Variants in ITIH2 observed in about 807,000 individuals in gnomAD.
ITIH2 encodes the protein inter-alpha-trypsin inhibitor heavy chain H2.
A neutral mutation model predicts 104.4 loss-of-function variants in ITIH2; 103 were observed. The observed-to-expected ratio is 0.99, with a 90% CI of 0.84 to 1.16. ITIH2 has a LOEUF of 1.16. Ranked by LOEUF, ITIH2 falls within the 50% of genes most tolerant of loss-of-function variation. The pLI, the probability that ITIH2 is intolerant of heterozygous loss-of-function variation, is 0.00. For missense variants in ITIH2, 1,108 were observed against 1,162.4 expected (o/e 0.95, Z 0.68); for synonymous variants, 436 against 435.4 (o/e 1.00, Z -0.02).
At chr10:7,716,783 T>TA (rs1834854092) in intron 5 of ITIH2, among the ~76,000 whole-genome samples, 1 of 142,076 alleles carries the variant, frequency 7.0e-6, no homozygotes, top group Non-Finnish European at 1.5e-5. Flanking sequence ...TGAGCAATAA[T>TA]AAAGTTTTTC....
chr10:7,745,811 G>A (rs1051132510), intron 19 of ITIH2, among the ~76,000 whole-genome samples: 14 of 151,286 alleles, frequency 9.3e-5, no homozygotes, highest in East Asian at 2.1e-4. Flanking sequence ...CTGGAGCGCA[G>A]TGGCGCAATC....
intron 16 of ITIH2, among the ~76,000 whole-genome samples, chr10:7,739,714 CA>C (rs1407676768): frequency 6.6e-6 from 1 of 151,814 alleles, no homozygotes; most frequent in Admixed American, 6.6e-5. Context: ...AAAACAAAAA[CA>C]AAAACAAAAA....
chr10:7,722,505 C>T (rs984893352), intron 8 of ITIH2, among the ~76,000 whole-genome samples: 1 of 152,240 alleles, frequency 6.6e-6, no homozygotes, highest in Non-Finnish European at 1.5e-5. Flanking sequence ...CCATACACGT[C>T]CTTCGTGATC....
At position 7,713,175 on chromosome 10, in the gene ITIH2, T is replaced by C. The variant is rs1477816546; in HGVS notation, c.363-6T>C. ...GACCAACTGGTTACCTTCTGTCATT[T>C]TCTAGGACTGTGGACGGCAAGACAT... On this transcript the variant is annotated splice_region_variant and splice_polypyrimidine_tract_variant and intron_variant, in intron 4 of 20. Transcript: ENST00000358415. 1 of 1,611,096 alleles carries C rather than the reference T, an allele frequency of 6.2e-7. No homozygotes were observed. Among genetic ancestry groups the C allele is most frequent in the East Asian group, 2.2e-5 (1 of 44,880 alleles).
chr10:7,705,079 A>T (rs753519799), intron 1 of ITIH2, 29 bp from the exon 2 acceptor site: 101 of 1,493,950 alleles, frequency 6.8e-5, no homozygotes, highest in Non-Finnish European at 9.0e-5. Flanking sequence ...ATTAAAAAAA[A>T]AAAAGTTAAA....
chr10:7,720,970 T>C lies in ITIH2; in HGVS notation c.738+7T>C. 1 of 1,565,616 alleles carries C rather than the reference T, an allele frequency of 6.4e-7. No homozygotes were observed. Among genetic ancestry groups the C allele is most frequent in the Non-Finnish European group, 8.8e-7 (1 of 1,135,906 alleles). On this transcript the variant is annotated splice_region_variant and intron_variant, in intron 7 of 20. Coordinates refer to ENST00000358415, the MANE Select transcript of ITIH2 (RefSeq NM_002216.3). The stretch of plus-strand genomic sequence containing the variant: ...TTCTAAAGGACAACAGAAGGTACCC[T>C]GAGCCCTGTGTGTTGCCAGGCATTC...
At chr10:7,721,059 G>C in intron 7 of ITIH2, 96 bp downstream of exon 7, 3 of 804,184 alleles carry the variant, frequency 3.7e-6, no homozygotes, top group Non-Finnish European at 6.4e-6. Context: ...AAAGCAGGCT[G>C]GTGTTGAGGA....
intron 9 of ITIH2, among the ~76,000 whole-genome samples, chr10:7,724,215 G>A (rs979307689): frequency 2.6e-5 from 4 of 151,970 alleles, no homozygotes; most frequent in African/African-American, 9.7e-5. Flanking sequence ...CCAGTCATAG[G>A]GCAACTATTT....
In ITIH2 at chr10:7,720,877, C is replaced by A. The variant is rs1031942025; in HGVS notation, c.652C>A (p.Pro218Thr). Residue 218 changes from proline (P) to threonine (T), a missense_variant, in exon 7 of 21, where the codon CCA becomes ACA. Pro to Thr is a conservative substitution (Grantham distance 38, BLOSUM62 -1). Transcript: ENST00000358415. The stretch of plus-strand genomic sequence containing the variant: ...CTAGGTAGATGTGTGGGTTATCGAA[C>A]CACAGGGACTGAGATTTCTTCATGT... ...HLEVDVWVIE[P>T]QGLRFLHVPD... is the part of the protein sequence containing the mutation. 5 of 1,611,944 alleles carry A rather than the reference C, an allele frequency of 3.1e-6. No homozygotes were observed. The highest frequency in any genetic ancestry group is 4.2e-6 in the Non-Finnish European group (5 of 1,178,024).
intron 17 of ITIH2, among the ~76,000 whole-genome samples, chr10:7,743,783 AAAC>A (rs981983524): frequency 3.3e-5 from 5 of 152,158 alleles, no homozygotes; most frequent in Non-Finnish European, 5.9e-5. Flanking sequence ...TCCGTCTCAA[AAAC>A]AACAACAAAA....
Position 7,732,340 on chromosome 10 carries a change from T to C in ITIH2, c.1650T>C (p.Ala550=), listed in dbSNP as rs1835011299. ...QIESVITATS[A]NTQLVLETLA... ...CAACTGAACCTTCCATCATCTAGGCTAACACGCAGTTAGTCTTGGAGACCC... is the reference window on the plus strand; with the variant it reads ...CAACTGAACCTTCCATCATCTAGGCCAACACGCAGTTAGTCTTGGAGACCC... Residue 550 remains alanine (A), a splice_region_variant and synonymous_variant, in exon 14 of 21, where the codon GCT becomes GCC. Coordinates refer to ENST00000358415, the MANE Select transcript of ITIH2 (RefSeq NM_002216.3). 1.2e-6 allele frequency: 2 copies of C among 1,613,450 alleles called. No individual in the cohort carries two copies. Among genetic ancestry groups the C allele is most frequent in the Non-Finnish European group, 8.5e-7 (1 of 1,179,426 alleles).
chr10:7,713,329 G>C, intron 5 of ITIH2, 44 bp downstream of exon 5: 1 of 1,465,056 alleles, frequency 6.8e-7, no homozygotes, highest in Non-Finnish European at 9.5e-7. Context: ...TCTCAATGAC[G>C]GTTTCCTCTC....
At chr10:7,718,539 C>A (rs955728616) in intron 6 of ITIH2, among the ~76,000 whole-genome samples, 2 of 149,740 alleles carry the variant, frequency 1.3e-5, no homozygotes, top group African/African-American at 2.5e-5. Flanking sequence ...TTTTTTTTAA[C>A]TTTTAAGTTC....
intron 19 of ITIH2, among the ~76,000 whole-genome samples, chr10:7,745,751 T>C (rs1166737903): frequency 6.7e-6 from 1 of 148,482 alleles, no homozygotes; most frequent in East Asian, 2.7e-4. Flanking sequence ...ATCTCTTAAA[T>C]TAATTAATTC....
intron 4 of ITIH2, among the ~76,000 whole-genome samples, chr10:7,710,179 T>C (rs1834784450): frequency 6.6e-6 from 1 of 152,172 alleles, no homozygotes; most frequent in Non-Finnish European, 1.5e-5. Flanking sequence ...ACAACTAAGG[T>C]GGAAAGCATG....
chr10:7,712,223 G>T (rs1200602699), intron 4 of ITIH2, among the ~76,000 whole-genome samples: 3 of 152,176 alleles, frequency 2.0e-5, no homozygotes, highest in South Asian at 2.1e-4. Context: ...CCGAGATCAA[G>T]ATGCCCAAGG....
At position 7,737,789 on chromosome 10, in the gene ITIH2, CTATATAATATTCTATATTATATTCTA is replaced by C. The variant is rs1482011811; in HGVS notation, c.1958-827_1958-802del. 1.9e-4 allele frequency among the ~76,000 whole-genome samples: 3 copies of C among 16,038 alleles called. 1 individual carries two copies. The highest frequency in any genetic ancestry group is 2.4e-4 in the African/African-American group (1 of 4,222). 10.5% of individuals were successfully genotyped at this position (16,038 alleles called of 152,430 possible). ...TCTATATAATATTCTATATTATATT[CTATATAATATTCTATATTATATTCTA>C]TATAATATTCTATATTATATTCTAT... On this transcript the variant is annotated intron_variant, in intron 15 of 20. Coordinates refer to ENST00000358415, the MANE Select transcript of ITIH2 (RefSeq NM_002216.3).
chr10:7,744,298 T>G lies in ITIH2; in HGVS notation c.2408+18T>G, dbSNP rs1394496254. 1 of 1,606,238 alleles carries G rather than the reference T, an allele frequency of 6.2e-7. No individual in the cohort carries two copies. Among genetic ancestry groups the G allele is most frequent in the Admixed American group, 1.7e-5 (1 of 59,958 alleles). ...AATCAGAGGCAAGTATGATTCCATCTGAACTTGGGCCTGTCCGTGACACAC... is the reference window on the plus strand; with the variant it reads ...AATCAGAGGCAAGTATGATTCCATCGGAACTTGGGCCTGTCCGTGACACAC... On this transcript the variant is annotated intron_variant, in intron 18 of 20. Coordinates refer to ENST00000358415, the MANE Select transcript of ITIH2 (RefSeq NM_002216.3).
At position 7,749,357 on chromosome 10, in the gene ITIH2, T is replaced by C. The variant is rs755952033; in HGVS notation, c.*23T>C. On this transcript the variant is annotated 3_prime_UTR_variant, in exon 21 of 21. Transcript: ENST00000358415. ...TAAAGGTTTATAGTTTGGGAAATTATATATATTAATATACATCTTTCCCCT... is the reference window on the plus strand; with the variant it reads ...TAAAGGTTTATAGTTTGGGAAATTACATATATTAATATACATCTTTCCCCT... The C allele has an allele frequency of 6.3e-7, 1 of 1,574,812 alleles. No homozygotes were observed. The highest frequency in any genetic ancestry group is 1.7e-5 in the Admixed American group (1 of 58,942).
Sources: gnomAD v4.1 joint callset for allele counts (sites outside exome capture counted in the v4.1 genomes callset) on GRCh38, gnomAD v4.1.1 for gene constraint, MANE v1.5 for transcripts, NCBI Gene and HGNC (gene_info 2026-07-23, HGNC 2026-07-21) for gene names.